The following COMMD10 variants were observed in gnomAD, a reference collection of about 807,000 sequenced individuals.
The protein encoded by COMMD10 is COMM domain containing 10, also known as COMM domain-containing protein 10.
COMMD10 carries 33 observed loss-of-function variants against 28.9 expected under a neutral mutation model. The ratio of observed to expected loss-of-function variants is 1.14; its 90% confidence interval spans 0.87 to 1.53. The LOEUF (loss-of-function observed/expected upper bound fraction) is 1.53. COMMD10 is among the 40% of genes most tolerant of loss of function. The pLI is 0.00. For synonymous variants in COMMD10, 110 were observed against 81.7 expected, an observed-to-expected ratio of 1.35 and a Z score of -1.87; for missense variants, 310 against 233.4, an observed-to-expected ratio of 1.33 and a Z score of -2.14.
intron 5 of COMMD10, among the ~76,000 whole-genome samples, chr5:116,205,600 G>A (rs1748790637): frequency 6.6e-6 from 1 of 152,056 alleles, no homozygotes; most frequent in Non-Finnish European, 1.5e-5. Context: ...AGATCTGTGT[G>A]TATGTACACA....
intron 5 of COMMD10, among the ~76,000 whole-genome samples, chr5:116,146,036 T>C (rs558014439): frequency 2.0e-4 from 31 of 152,052 alleles, no homozygotes; most frequent in African/African-American, 7.2e-4. Context: ...AGATGCATTA[T>C]TTTCCAGGAT....
chr5:116,259,876 A>T (rs77542389), intron 5 of COMMD10, among the ~76,000 whole-genome samples: 3,351 of 151,672 alleles, frequency 0.022, 178 homozygotes, highest in African/African-American at 0.076. Context: ...ATTGACCATG[A>T]GCTTTGAGTT....
chr5:116,133,551 C>T (rs1249146559), intron 4 of COMMD10, among the ~76,000 whole-genome samples: 2 of 152,046 alleles, frequency 1.3e-5, no homozygotes, highest in Admixed American at 1.3e-4. Flanking sequence ...AAGGTGTGAA[C>T]CTCTTACCAT....
intron 5 of COMMD10, among the ~76,000 whole-genome samples, chr5:116,256,679 T>A (rs374071339): frequency 1.3e-5 from 2 of 151,964 alleles, no homozygotes; most frequent in African/African-American, 4.8e-5. Context: ...ATGAGATATG[T>A]TGGGATGGGA....
chr5:116,114,935 A>G (rs1751180883), intron 4 of COMMD10, among the ~76,000 whole-genome samples: 2 of 151,916 alleles, frequency 1.3e-5, no homozygotes, highest in African/African-American at 4.8e-5. Context: ...CTAGCTCCCA[A>G]GCTGGGGGCT....
At chr5:116,134,653 T>C (rs1751972261) in intron 5 of COMMD10, among the ~76,000 whole-genome samples, 2 of 152,178 alleles carry the variant, frequency 1.3e-5, no homozygotes, top group African/African-American at 4.8e-5. Context: ...GACGGTGTCT[T>C]GCTGTCGCCC....
At position 116,270,821 on chromosome 5, in the gene COMMD10, G is replaced by T. The variant is rs78672054; in HGVS notation, c.511-20696G>T. Among the ~76,000 whole-genome samples, 445 of 151,462 alleles carry T rather than the reference G, an allele frequency of 2.9e-3. 8 individuals carry two copies. Among genetic ancestry groups the T allele is most frequent in the African/African-American group, 0.01 (428 of 41,020 alleles). On this transcript the variant is annotated intron_variant, in intron 5 of 6. Transcript: ENST00000274458. The stretch of plus-strand genomic sequence containing the variant: ...GCTTGATGGTGCATACCTGTAATCC[G>T]AACACTACTTGGGAGGCTGAGACAG...
intron 5 of COMMD10, among the ~76,000 whole-genome samples, chr5:116,277,607 A>G (rs1342265337): frequency 6.6e-6 from 1 of 151,946 alleles, no homozygotes; most frequent in African/African-American, 2.4e-5. Flanking sequence ...TGCCTGTTGT[A>G]TGATAAACTC....
chr5:116,177,536 C>T (rs1490596009), intron 5 of COMMD10, among the ~76,000 whole-genome samples: 1 of 150,646 alleles, frequency 6.6e-6, no homozygotes, highest in Admixed American at 6.6e-5. Context: ...CCCCCCCCAC[C>T]CCACTGCAGA....
At chr5:116,139,645 C>T (rs539799636) in intron 5 of COMMD10, among the ~76,000 whole-genome samples, 1 of 151,180 alleles carries the variant, frequency 6.6e-6, no homozygotes. Flanking sequence ...GAATAAATCA[C>T]ACTAAAGCAT....
intron 5 of COMMD10, among the ~76,000 whole-genome samples, chr5:116,253,487 T>A (rs1750184270): frequency 6.7e-6 from 1 of 149,544 alleles, no homozygotes; most frequent in Non-Finnish European, 1.5e-5. Context: ...ACCTAATTTA[T>A]TGAGAGTTTT....
At chr5:116,221,846 A>AT (rs1243158619) in intron 5 of COMMD10, among the ~76,000 whole-genome samples, 1 of 152,066 alleles carries the variant, frequency 6.6e-6, no homozygotes, top group Non-Finnish European at 1.5e-5. Flanking sequence ...ATTTTCCCAC[A>AT]TTTTTTCTTA....
intron 3 of COMMD10, among the ~76,000 whole-genome samples, chr5:116,091,753 G>C (rs1393897699): frequency 2.6e-5 from 4 of 152,182 alleles, no homozygotes; most frequent in African/African-American, 7.2e-5. Context: ...ATTCTAATTT[G>C]TGGGGAGCAG....
At chr5:116,139,331 C>T (rs1427563867) in intron 5 of COMMD10, among the ~76,000 whole-genome samples, 1 of 151,306 alleles carries the variant, frequency 6.6e-6, no homozygotes, top group South Asian at 2.1e-4. Context: ...CAGAGGCTGC[C>T]TTTTATTAAC....
At chr5:116,103,244 C>G (rs1334129267) in intron 4 of COMMD10, among the ~76,000 whole-genome samples, 1 of 152,218 alleles carries the variant, frequency 6.6e-6, no homozygotes, top group Non-Finnish European at 1.5e-5. Flanking sequence ...GGAATTGCCA[C>G]ACTGTCTTCC....
At chr5:116,242,450 C>G (rs540070306) in intron 5 of COMMD10, among the ~76,000 whole-genome samples, 21 of 152,268 alleles carry the variant, frequency 1.4e-4, no homozygotes, top group Non-Finnish European at 2.2e-4. Flanking sequence ...TTAGGAAATC[C>G]TCTCAGCAAC....
At chr5:116,087,335 C>T (rs1194714979) in intron 1 of COMMD10, among the ~76,000 whole-genome samples, 162 bp from the exon 2 acceptor site, 1 of 152,190 alleles carries the variant, frequency 6.6e-6, no homozygotes, top group African/African-American at 2.4e-5. Context: ...GGAAATGTAC[C>T]CGTTGCCCTG....
At chr5:116,104,531 TAAG>T (rs567771470) in intron 4 of COMMD10, among the ~76,000 whole-genome samples, 72 of 152,338 alleles carry the variant, frequency 4.7e-4, no homozygotes, top group African/African-American at 1.7e-3. Context: ...CTCATCATCT[TAAG>T]GAGATTTTTG....
chr5:116,155,545 T>A (rs1464054808), intron 5 of COMMD10, among the ~76,000 whole-genome samples: 2 of 152,092 alleles, frequency 1.3e-5, no homozygotes, highest in Non-Finnish European at 2.9e-5. Context: ...TAAACAGACA[T>A]CCTGTGTATT....
Sources: allele counts gnomAD v4.1 joint callset (sites outside exome capture counted in the v4.1 genomes callset), GRCh38; gene constraint gnomAD v4.1.1; transcripts MANE v1.5; gene names NCBI Gene and HGNC (gene_info 2026-07-23, HGNC 2026-07-21).